Variants in PLPP1 observed in about 807,000 individuals in gnomAD.
PLPP1 encodes the protein lipid phosphate phosphohydrolase 1a.
In PLPP1, 24 loss-of-function variants were observed where a neutral mutation model predicts 31.2. That is an observed-to-expected ratio of 0.77 (90% confidence interval 0.56 to 1.08). The LOEUF is 1.08. PLPP1 is among the 50% of genes least tolerant of loss of function. PLPP1 has a pLI of 0.00. For missense variants in PLPP1, 319 were observed against 342.7 expected, an observed-to-expected ratio of 0.93 and a Z score of 0.55; for synonymous variants, 146 against 126.3, an observed-to-expected ratio of 1.16 and a Z score of -1.05.
intron 3 of PLPP1, among the ~76,000 whole-genome samples, chr5:55,457,951 A>G (rs1403776457): frequency 1.3e-5 from 2 of 152,162 alleles, no homozygotes; most frequent in Non-Finnish European, 2.9e-5. Context: ...CATCACCACA[A>G]TGACTTTCTT....
intron 3 of PLPP1, among the ~76,000 whole-genome samples, chr5:55,460,888 A>T (rs1752140192): frequency 6.6e-6 from 1 of 152,130 alleles, no homozygotes; most frequent in Non-Finnish European, 1.5e-5. Context: ...AATATTTTTT[A>T]AAACATTAAA....
intron 1 of PLPP1, among the ~76,000 whole-genome samples, chr5:55,482,024 T>A (rs1316430537): frequency 6.8e-6 from 1 of 148,064 alleles, no homozygotes; most frequent in African/African-American, 2.4e-5. Flanking sequence ...ATAAGATCTA[T>A]AAATATATAT....
At chr5:55,483,913 A>G (rs919240221) in intron 1 of PLPP1, among the ~76,000 whole-genome samples, 4 of 152,246 alleles carry the variant, frequency 2.6e-5, no homozygotes, top group Admixed American at 1.3e-4. Flanking sequence ...GCATATTAAG[A>G]TATGTTTACA....
At position 55,496,251 on chromosome 5, in the gene PLPP1, T is replaced by C. The variant is rs1237568399; in HGVS notation, c.59-20801A>G. ...AAGACTCTTCTCCTTATAAACACTT[T>C]CTTAGGACAGATACACTTTTTCCTT... On this transcript the variant is annotated intron_variant, in intron 1 of 5. Coordinates refer to ENST00000307259, the MANE Select transcript of PLPP1 (RefSeq NM_003711.4). Among the ~76,000 whole-genome samples, 5 of 152,362 alleles carry C rather than the reference T, an allele frequency of 3.3e-5. No individual in the cohort carries two copies. In the East Asian group the frequency reaches 7.7e-4, roughly 23 times the overall value.
intron 4 of PLPP1, among the ~76,000 whole-genome samples, chr5:55,437,823 T>G (rs1185132833): frequency 6.6e-6 from 1 of 152,204 alleles, no homozygotes; most frequent in African/African-American, 2.4e-5. Flanking sequence ...GGGCCATGAG[T>G]TGTTCATCAT....
chr5:55,453,446 C>T (rs996249729), intron 3 of PLPP1, among the ~76,000 whole-genome samples: 1 of 152,114 alleles, frequency 6.6e-6, no homozygotes, highest in Admixed American at 6.5e-5. Flanking sequence ...TGTCAGAAAT[C>T]TTGGGCAGTG....
At chr5:55,463,713 G>A (rs1482968864) in intron 3 of PLPP1, among the ~76,000 whole-genome samples, 7 of 151,662 alleles carry the variant, frequency 4.6e-5, no homozygotes, top group East Asian at 1.9e-4. Flanking sequence ...TTGGAAGGCC[G>A]AGGCAAGAGG....
At chr5:55,492,593 T>C (rs1289468281) in intron 1 of PLPP1, among the ~76,000 whole-genome samples, 1 of 151,930 alleles carries the variant, frequency 6.6e-6, no homozygotes, top group Non-Finnish European at 1.5e-5. Context: ...AGGGAGACCA[T>C]TTAGTGGTAG....
chr5:55,434,491 GA>G (rs1346690277), intron 4 of PLPP1, among the ~76,000 whole-genome samples: 17 of 151,722 alleles, frequency 1.1e-4, no homozygotes, highest in Non-Finnish European at 2.4e-4. Context: ...TGAGCAAAAT[GA>G]AAAAAAGCTT....
intron 2 of PLPP1, chr5:55,468,414 G>C: frequency 3.3e-6 from 1 of 301,274 alleles, no homozygotes; most frequent in Non-Finnish European, 6.1e-6. Context: ...AAAATAACAA[G>C]ATCTTATTTT....
chr5:55,429,652 AC>A (rs1407218839), intron 4 of PLPP1, among the ~76,000 whole-genome samples: 2 of 151,820 alleles, frequency 1.3e-5, no homozygotes, highest in Admixed American at 6.6e-5. Flanking sequence ...TGAGAGCCCC[AC>A]CCCCAGCAGA....
At chr5:55,464,423 A>G (rs1381160565) in intron 3 of PLPP1, among the ~76,000 whole-genome samples, 2 of 152,020 alleles carry the variant, frequency 1.3e-5, no homozygotes, top group Non-Finnish European at 2.9e-5. Context: ...TTTAGTAGAG[A>G]TGGGGTTTCA....
chr5:55,448,980 A>C (rs4865605), intron 3 of PLPP1, among the ~76,000 whole-genome samples: 130,837 of 152,186 alleles, frequency 0.86, 56,636 homozygotes, highest in South Asian at 0.92. Context: ...TACTGTATTG[A>C]TTAGGGAATA....
chr5:55,455,913 A>G (rs1751995358), intron 3 of PLPP1, among the ~76,000 whole-genome samples: 1 of 152,190 alleles, frequency 6.6e-6, no homozygotes, highest in Admixed American at 6.5e-5. Flanking sequence ...GATAACTCTA[A>G]TGAACCATTA....
intron 3 of PLPP1, among the ~76,000 whole-genome samples, chr5:55,460,739 A>C (rs989205696): frequency 1.3e-5 from 2 of 152,126 alleles, no homozygotes; most frequent in Non-Finnish European, 2.9e-5. Flanking sequence ...CCAGCTAAGT[A>C]GGAGCCTCAG....
chr5:55,424,883 T>C lies in PLPP1; in HGVS notation c.*323A>G. ...GTTCTCCCATACATTTTAATATGTA[T>C]TATATTTAAATCAAACATCATTCAT... On this transcript the variant is annotated 3_prime_UTR_variant, in exon 6 of 6. Transcript: ENST00000307259. 1 of 734,144 alleles carries C rather than the reference T, an allele frequency of 1.4e-6. No homozygotes were observed. Among genetic ancestry groups the C allele is most frequent in the East Asian group, 2.7e-5 (1 of 37,244 alleles). 45.5% of individuals were successfully genotyped at this position (734,144 alleles called of 1,614,324 possible).
In PLPP1 at chr5:55,487,398, T is replaced by C. The variant is rs548030531; in HGVS notation, c.59-11948A>G. On this transcript the variant is annotated intron_variant, in intron 1 of 5. Coordinates refer to ENST00000307259, the MANE Select transcript of PLPP1 (RefSeq NM_003711.4). ...GCCAAAAATGATGGAAAAAAAAAAG[T>C]CTGGTGTCAAATCTAATATGGATCA... Among the ~76,000 whole-genome samples the C allele has an allele frequency of 4.2e-3, 634 of 149,602 alleles. 1 individual carries two copies. The highest frequency in any genetic ancestry group is 0.015 in the African/African-American group (602 of 40,764).
At chr5:55,453,310 T>C (rs1270996765) in intron 3 of PLPP1, among the ~76,000 whole-genome samples, 2 of 152,208 alleles carry the variant, frequency 1.3e-5, no homozygotes, top group East Asian at 3.8e-4. Context: ...GCCACTAAGT[T>C]ATCTAATTTA....
intron 1 of PLPP1, among the ~76,000 whole-genome samples, chr5:55,526,080 TA>T (rs113211272): frequency 2.3e-4 from 34 of 148,486 alleles, no homozygotes; most frequent in South Asian, 2.1e-4. Flanking sequence ...CTTCTTTTTT[TA>T]AAAAAAAAAA....
Sources: gnomAD v4.1 joint callset for allele counts (sites outside exome capture counted in the v4.1 genomes callset) on GRCh38, gnomAD v4.1.1 for gene constraint, MANE v1.5 for transcripts, NCBI Gene and HGNC (gene_info 2026-07-23, HGNC 2026-07-21) for gene names.